The following GALNTL6 variants were observed in gnomAD, a reference collection of about 807,000 sequenced individuals.
The protein encoded by GALNTL6 is polypeptide N-acetylgalactosaminyltransferase like 6, also known as polypeptide N-acetylgalactosaminyltransferase-like 6.
In GALNTL6, 46 loss-of-function variants were observed where a neutral mutation model predicts 73.7. That is an observed-to-expected ratio of 0.62 (90% CI 0.49 to 0.80). The LOEUF (loss-of-function observed/expected upper bound fraction) is 0.80, where lower values mean the gene tolerates loss of function less well. Ranked by LOEUF, GALNTL6 falls within the 30% of genes least tolerant of loss-of-function variation. The pLI is 0.00. For missense variants in GALNTL6, 604 were observed against 755.0 expected, an observed-to-expected ratio of 0.80 and a Z score of 2.34; for synonymous variants, 259 against 263.7, an observed-to-expected ratio of 0.98 and a Z score of 0.17.
At chr4:171,827,965 C>T (rs1734870103) in intron 2 of GALNTL6, among the ~76,000 whole-genome samples, 2 of 151,970 alleles carry the variant, frequency 1.3e-5, no homozygotes, top group Admixed American at 6.6e-5. Context: ...AGTTATGTTA[C>T]AAATGCATAA....
intron 5 of GALNTL6, among the ~76,000 whole-genome samples, chr4:172,654,852 C>T (rs1560859635): frequency 1.3e-5 from 2 of 152,148 alleles, no homozygotes; most frequent in South Asian, 2.1e-4. Context: ...ATAATAACAA[C>T]GTTTGCTATT....
At chr4:172,734,260 A>G (rs1461147788) in intron 5 of GALNTL6, among the ~76,000 whole-genome samples, 3 of 152,214 alleles carry the variant, frequency 2.0e-5, no homozygotes, top group Non-Finnish European at 4.4e-5. Context: ...CTGCTGATGC[A>G]GTAGAAAAGA....
chr4:172,163,526 T>C (rs777986510), intron 2 of GALNTL6, among the ~76,000 whole-genome samples: 27 of 152,026 alleles, frequency 1.8e-4, no homozygotes, highest in Non-Finnish European at 3.4e-4. Flanking sequence ...GTTCCTTTTC[T>C]CAGAAACGAT....
At chr4:171,848,678 T>A (rs1405887506) in intron 2 of GALNTL6, among the ~76,000 whole-genome samples, 1 of 152,186 alleles carries the variant, frequency 6.6e-6, no homozygotes, top group Non-Finnish European at 1.5e-5. Context: ...TCTTTAAACC[T>A]CATGAACCAA....
At chr4:172,640,891 A>T (rs1200297429) in intron 5 of GALNTL6, among the ~76,000 whole-genome samples, 1 of 152,068 alleles carries the variant, frequency 6.6e-6, no homozygotes, top group Non-Finnish European at 1.5e-5. Flanking sequence ...CCAAATTCAG[A>T]TTCATATATA....
chr4:171,867,942 T>G (rs1736014729), intron 2 of GALNTL6, among the ~76,000 whole-genome samples: 1 of 152,092 alleles, frequency 6.6e-6, no homozygotes, highest in African/African-American at 2.4e-5. Flanking sequence ...CTTTTTCTCT[T>G]TGTTTAACCT....
At chr4:172,124,102 C>T (rs373885231) in intron 2 of GALNTL6, among the ~76,000 whole-genome samples, 17 of 152,074 alleles carry the variant, frequency 1.1e-4, no homozygotes, top group East Asian at 3.8e-4. Flanking sequence ...CAGCAATTGA[C>T]AAGAAAATTT....
intron 3 of GALNTL6, among the ~76,000 whole-genome samples, chr4:172,282,459 T>TG (rs1298364726): frequency 2.0e-5 from 3 of 152,152 alleles, no homozygotes; most frequent in Admixed American, 6.5e-5. Context: ...TGTTATAAAT[T>TG]GGGGGAAAGA....
intron 10 of GALNTL6, among the ~76,000 whole-genome samples, chr4:172,954,774 T>C (rs75405113): frequency 1.3e-5 from 2 of 152,142 alleles, no homozygotes; most frequent in East Asian, 3.9e-4. Flanking sequence ...GGCAACAGAT[T>C]TTTTTTTCTT....
At chr4:172,447,188 C>T (rs761919807) in intron 5 of GALNTL6, among the ~76,000 whole-genome samples, 4 of 152,148 alleles carry the variant, frequency 2.6e-5, no homozygotes, top group Non-Finnish European at 5.9e-5. Context: ...GGAAAAGAGT[C>T]TCCAGAAGAG....
intron 5 of GALNTL6, among the ~76,000 whole-genome samples, chr4:172,606,570 TAC>T (rs1199008231): frequency 1.4e-5 from 2 of 139,958 alleles, no homozygotes; most frequent in African/African-American, 5.3e-5. Context: ...TATATACATA[TAC>T]ATAGTATATG....
At chr4:172,288,133 C>T (rs1739329771) in intron 3 of GALNTL6, among the ~76,000 whole-genome samples, 2 of 151,168 alleles carry the variant, frequency 1.3e-5, no homozygotes, top group Non-Finnish European at 2.9e-5. Context: ...CTCTCTCTCC[C>T]AGGCTGGAGT....
intron 9 of GALNTL6, among the ~76,000 whole-genome samples, chr4:172,949,502 C>T (rs569536096): frequency 6.6e-6 from 1 of 152,290 alleles, no homozygotes; most frequent in South Asian, 2.1e-4. Flanking sequence ...AGTATTTCCA[C>T]TTTATTTAAT....
rs553716703 is a variant in GALNTL6 at position 172,413,891 on chromosome 4, G to A, written c.553+65202G>A. ...TCTTTCCCCAAATGTCTAAGAATAT[G>A]AAAAGTAGGTCTGTCTTTCACTGCC... is the stretch of plus-strand genomic sequence containing the variant. On this transcript the variant is annotated intron_variant, in intron 5 of 12. Transcript: ENST00000506823. Among the ~76,000 whole-genome samples the A allele has an allele frequency of 3.3e-3, 506 of 152,064 alleles. 2 individuals are homozygous for A. The highest frequency in any genetic ancestry group is 0.011 in the African/African-American group (471 of 41,476).
At chr4:172,961,399 A>C (rs1750049304) in intron 10 of GALNTL6, among the ~76,000 whole-genome samples, 1 of 148,530 alleles carries the variant, frequency 6.7e-6, no homozygotes, top group Non-Finnish European at 1.5e-5. Flanking sequence ...AGAGACATGG[A>C]GATAAGGGGT....
In GALNTL6 at chr4:172,973,783, C is replaced by T. The variant is rs77174516; in HGVS notation, c.1371+21525C>T. ...TTCCTCTCTTTGCCTACCACTTTCA[C>T]GCTTTCTCTCTCCCTCTGACTCCGT... is the stretch of plus-strand genomic sequence containing the variant. On this transcript the variant is annotated intron_variant, in intron 10 of 12. Coordinates refer to ENST00000506823, the MANE Select transcript of GALNTL6 (RefSeq NM_001034845.3). Among the ~76,000 whole-genome samples the T allele has an allele frequency of 2.4e-3, 359 of 152,286 alleles. 1 individual carries two copies. Among genetic ancestry groups the T allele is most frequent in the African/African-American group, 8.3e-3 (344 of 41,564 alleles).
At position 172,459,765 on chromosome 4, in the gene GALNTL6, G is replaced by A. The variant is rs546715565; in HGVS notation, c.553+111076G>A. Among the ~76,000 whole-genome samples the A allele has an allele frequency of 4.6e-5, 7 of 152,058 alleles. No individual in the cohort carries two copies. In the South Asian group the frequency reaches 8.3e-4, roughly 18 times the overall value. On this transcript the variant is annotated intron_variant, in intron 5 of 12. Transcript: ENST00000506823. ...ATGCTCATGGGTAGGAAGAATCAAC[G>A]TTGTCAAAATGGCCATACTGCCCAA...
chr4:172,395,910 T>A (rs1743833232), intron 5 of GALNTL6, among the ~76,000 whole-genome samples: 1 of 152,102 alleles, frequency 6.6e-6, no homozygotes, highest in Non-Finnish European at 1.5e-5. Context: ...TCCCTAAACC[T>A]ATGGAATTCA....
chr4:172,954,025 A>G (rs1749592184), intron 10 of GALNTL6, among the ~76,000 whole-genome samples: 2 of 152,128 alleles, frequency 1.3e-5, no homozygotes, highest in South Asian at 2.1e-4. Flanking sequence ...TCATCTTTCT[A>G]TGATGATTCA....
Sources: gnomAD v4.1 joint callset for allele counts (sites outside exome capture counted in the v4.1 genomes callset) on GRCh38, gnomAD v4.1.1 for gene constraint, MANE v1.5 for transcripts, NCBI Gene and HGNC (gene_info 2026-07-23, HGNC 2026-07-21) for gene names.